The following MATCAP2 variants were observed in gnomAD, a reference collection of about 807,000 sequenced individuals.
MATCAP2 encodes the protein putative tyrosine carboxypeptidase MATCAP2.
At chr7:36,361,218 G>C in the MATCAP2 span, among the ~76,000 whole-genome samples, 6 of 152,148 alleles carry the variant, frequency 3.9e-5, no homozygotes, top group African/African-American at 1.4e-4. Flanking sequence ...TGACCTCTCT[G>C]TAATATTAGC....
At chr7:36,324,639 A>T in the MATCAP2 span, 4 of 152,240 alleles carry the variant, frequency 2.6e-5, no homozygotes, top group African/African-American at 9.6e-5. Flanking sequence ...ATAAACTTTC[A>T]TTAAATATTC....
chr7:36,351,938 TGTTA>T, the MATCAP2 span, among the ~76,000 whole-genome samples: 1 of 66,126 alleles, frequency 1.5e-5, no homozygotes, highest in African/African-American at 5.0e-5. Context: ...AAAGGGAGAT[TGTTA>T]AAAAAAAAAA....
chr7:36,347,888 C>T, the MATCAP2 span, among the ~76,000 whole-genome samples: 3 of 152,140 alleles, frequency 2.0e-5, no homozygotes, highest in African/African-American at 7.2e-5. Flanking sequence ...TCAAGACAGT[C>T]CTTTTCTTTA....
At chr7:36,389,364 C>T in the MATCAP2 span, among the ~76,000 whole-genome samples, 2 of 150,778 alleles carry the variant, frequency 1.3e-5, no homozygotes, top group South Asian at 2.1e-4. Flanking sequence ...GCTCTTAATC[C>T]TTTTTTTTTC....
chr7:36,335,169 G>A, the MATCAP2 span: 4 of 1,613,656 alleles, frequency 2.5e-6, no homozygotes, highest in African/African-American at 1.3e-5. Flanking sequence ...TCAGTGAGAT[G>A]AACTACAATC....
chr7:36,360,070 A>C, the MATCAP2 span, among the ~76,000 whole-genome samples: 1 of 152,244 alleles, frequency 6.6e-6, no homozygotes, highest in Non-Finnish European at 1.5e-5. Context: ...ACAGAGTTAC[A>C]CCAAATTAAA....
At chr7:36,330,517 A>C in the MATCAP2 span, among the ~76,000 whole-genome samples, 1 of 152,266 alleles carries the variant, frequency 6.6e-6, no homozygotes, top group Non-Finnish European at 1.5e-5. Flanking sequence ...ATTGGATCTC[A>C]GATCACAAAA....
chr7:36,368,722 T>C, the MATCAP2 span, among the ~76,000 whole-genome samples: 27 of 152,342 alleles, frequency 1.8e-4, no homozygotes, highest in African/African-American at 6.5e-4. Flanking sequence ...TAGCCTCCTG[T>C]CACCTCTTTG....
chr7:36,367,457 A>G, the MATCAP2 span, among the ~76,000 whole-genome samples: 1 of 152,096 alleles, frequency 6.6e-6, no homozygotes, highest in East Asian at 1.9e-4. Context: ...TCTTTCAGAG[A>G]CGTTTGTACC....
the MATCAP2 span, among the ~76,000 whole-genome samples, chr7:36,382,416 T>C: frequency 6.6e-6 from 1 of 152,070 alleles, no homozygotes; most frequent in Non-Finnish European, 1.5e-5. Context: ...TAGGAAACAC[T>C]GGCTTCTGTT....
At chr7:36,341,174 T>G in the MATCAP2 span, among the ~76,000 whole-genome samples, 1 of 152,190 alleles carries the variant, frequency 6.6e-6, no homozygotes, top group African/African-American at 2.4e-5. Context: ...TTACACCACT[T>G]GAAGAATCAG....
At chr7:36,368,576 C>G in the MATCAP2 span, among the ~76,000 whole-genome samples, 1 of 152,194 alleles carries the variant, frequency 6.6e-6, no homozygotes, top group Non-Finnish European at 1.5e-5. Flanking sequence ...TCTAGACAGT[C>G]TCTGTATTCC....
At chr7:36,375,722 CT>C in the MATCAP2 span, among the ~76,000 whole-genome samples, 1 of 152,096 alleles carries the variant, frequency 6.6e-6, no homozygotes, top group Non-Finnish European at 1.5e-5. Flanking sequence ...TGGTGCTGGA[CT>C]TTTTTTGGTT....
chr7:36,383,004 A>G, the MATCAP2 span, among the ~76,000 whole-genome samples: 1 of 152,250 alleles, frequency 6.6e-6, no homozygotes, highest in South Asian at 2.1e-4. Flanking sequence ...TATTGAATAA[A>G]GGACTTATGC....
At chr7:36,380,761 G>A in the MATCAP2 span, among the ~76,000 whole-genome samples, 2 of 152,180 alleles carry the variant, frequency 1.3e-5, no homozygotes, top group African/African-American at 2.4e-5. Context: ...ACAAAGTCTC[G>A]CTCTGTAGCC....
the MATCAP2 span, among the ~76,000 whole-genome samples, chr7:36,353,842 TTAGAA>T: frequency 9.8e-5 from 15 of 152,312 alleles, no homozygotes; most frequent in Admixed American, 2.6e-4. Context: ...TTTTTCTTTA[TTAGAA>T]TAAAGATACA....
chr7:36,389,706 G>A, the MATCAP2 span: 34 of 290,540 alleles, frequency 1.2e-4, no homozygotes, highest in African/African-American at 5.7e-4. Context: ...GGGCTGGGAG[G>A]GGGCCGGGAA....
At chr7:36,328,331 T>G in the MATCAP2 span, among the ~76,000 whole-genome samples, 1 of 151,484 alleles carries the variant, frequency 6.6e-6, no homozygotes, top group South Asian at 2.1e-4. Context: ...AGTGCTGTGA[T>G]TACAGGTGTG....
chr7:36,371,735 G>C, the MATCAP2 span, among the ~76,000 whole-genome samples: 2 of 152,106 alleles, frequency 1.3e-5, no homozygotes, highest in Admixed American at 6.6e-5. Flanking sequence ...TGGAAGAAAA[G>C]TATATTATTT....
Sources: gnomAD v4.1 joint callset for allele counts (sites outside exome capture counted in the v4.1 genomes callset) on GRCh38, gnomAD v4.1.1 for gene constraint, MANE v1.5 for transcripts, NCBI Gene and HGNC (gene_info 2026-07-23, HGNC 2026-07-21) for gene names.